Variants in QRICH2 observed in about 807,000 individuals in gnomAD.
QRICH2 encodes glutamine-rich protein 2.
A neutral mutation model predicts 168.3 loss-of-function variants in QRICH2; 119 were observed. That is an observed-to-expected ratio of 0.71 (90% CI 0.61 to 0.82). QRICH2 has a LOEUF of 0.82. Among genes scored for constraint, QRICH2 ranks in the 40% least tolerant of loss-of-function variants. QRICH2 has a pLI of 0.00. For missense variants in QRICH2, 2,241 were observed against 2,491.6 expected, an observed-to-expected ratio of 0.90 and a Z score of 2.14; for synonymous variants, 894 against 951.2, an observed-to-expected ratio of 0.94 and a Z score of 1.11.
chr17:76,285,286 C>T (rs574415074), intron 7 of QRICH2, among the ~76,000 whole-genome samples: 1 of 152,130 alleles, frequency 6.6e-6, no homozygotes, highest in Non-Finnish European at 1.5e-5. Context: ...CACGTGCCAC[C>T]TCGCCCGGCT....
intron 5 of QRICH2, among the ~76,000 whole-genome samples, chr17:76,289,103 CAAA>C (rs541768411): frequency 6.1e-5 from 5 of 81,518 alleles, no homozygotes; most frequent in Non-Finnish European, 7.9e-5. Flanking sequence ...GACTGTGTCT[CAAA>C]AAAAAAAAAA....
rs370061384 is a variant in QRICH2, at chr17:76,292,464, C to G, written c.2263G>C (p.Gly755Arg). The change falls in exon 4 of 19, where the codon GGT (glycine) becomes CGT (arginine). Residue 755 changes from glycine to arginine, a missense_variant. By Grantham distance (125) the Gly-to-Arg change is moderately radical. Around this residue, in one of 3 missense-constraint regions of QRICH2, gnomAD observed 2,047 missense variants for 2,303.8 expected, o/e 0.89. Coordinates refer to ENST00000680821, the MANE Select transcript of QRICH2 (RefSeq NM_001388453.1). The stretch of plus-strand genomic sequence containing the variant: ...TGGACCAAACCACGCTGATCTGCAC[C>G]AGGTGGGACCAAACCACGCTGATGA... ...ADHQRGLVPP[G>R]ADQRGLVQPG... is the part of the protein sequence containing the mutation. The G allele has an allele frequency of 1.9e-6, 3 of 1,545,540 alleles. No individual in the cohort carries two copies. Among genetic ancestry groups the G allele is most frequent in the South Asian group, 2.3e-5 (2 of 87,302 alleles).
Position 76,308,147 on chromosome 17 carries a change from C to T in QRICH2, c.-149G>A. 8.2e-7 allele frequency: 1 copy of T among 1,218,782 alleles called. No homozygotes were observed. Among genetic ancestry groups the T allele is most frequent in the Non-Finnish European group, 1.0e-6 (1 of 980,646 alleles). The allele number at this position is 1,218,782 out of a possible 1,614,324, so 75.5% of individuals were successfully genotyped here. On this transcript the variant is annotated 5_prime_UTR_variant, in exon 1 of 19. Coordinates refer to ENST00000680821, the MANE Select transcript of QRICH2 (RefSeq NM_001388453.1). The stretch of plus-strand genomic sequence containing the variant: ...CCGGCCGAGTCACTGGACAGAGCTC[C>T]TGCCTCCAGGGAATCTGCGCCTCCG...
intron 3 of QRICH2, among the ~76,000 whole-genome samples, chr17:76,298,181 ATTTT>A (rs1244588706): frequency 3.6e-5 from 3 of 84,242 alleles, no homozygotes; most frequent in African/African-American, 5.4e-5. Flanking sequence ...TTTCTGGCTA[ATTTT>A]TTTTTTTTTT....
rs541235405 is a variant in QRICH2, at chr17:76,274,100, C to T, written c.5643G>A (p.Pro1881=). 431 of 1,580,180 alleles carry T rather than the reference C, an allele frequency of 2.7e-4. 3 individuals are homozygous for T. The African/African-American group carries it at 4.9e-3, about 18-fold the overall frequency. ...CCGCTCACTGAGCGGTGCTGGACCG[C>T]GGCCCCCGCGTGGGCTCCTCGAGCC... ...GEGLEEPTRG[P]RSSTAQ is the part of the protein sequence containing the mutation. Residue 1881 remains proline, a synonymous_variant, in exon 19 of 19, where the codon CCG becomes CCA. Transcript: ENST00000680821.
intron 3 of QRICH2, among the ~76,000 whole-genome samples, chr17:76,296,141 T>C (rs1220286241): frequency 6.6e-6 from 1 of 151,940 alleles, no homozygotes; most frequent in African/African-American, 2.4e-5. Flanking sequence ...GAGAATTGCT[T>C]GAACCCAGAA....
intron 16 of QRICH2, 117 bp downstream of exon 16, chr17:76,277,046 A>T: frequency 1.8e-6 from 2 of 1,128,034 alleles, no homozygotes; most frequent in Non-Finnish European, 2.5e-6. Flanking sequence ...GGGTCTGATT[A>T]AGGAATTGCC....
chr17:76,292,168 TTGGACCAAACCATGCTGAACTGCA>T lies in QRICH2; in HGVS notation c.2535_2558del (p.Ala846_Gln853del), dbSNP rs1276627424. On this transcript the variant is annotated inframe_deletion, in exon 4 of 19. Transcript: ENST00000680821. Reference sequence around the variant, plus strand: ...CCAAACCACGCTGATCTGCACCAGGTTGGACCAAACCATGCTGAACTGCACCAGGTTGGACCAAACCACGCTGAA... The same window carrying T: ...CCAAACCACGCTGATCTGCACCAGGTCCAGGTTGGACCAAACCACGCTGAA... 6.7e-7 allele frequency: 1 copy of T among 1,494,356 alleles called. No individual in the cohort carries two copies. The highest frequency in any genetic ancestry group is 1.2e-5 in the South Asian group (1 of 80,056). 92.6% of individuals were successfully genotyped at this position (1,494,356 alleles called of 1,614,324 possible). A position where few individuals can be genotyped will look rare whatever the true frequency, so the allele number is the denominator to read the frequency against.
At chr17:76,297,323 A>G (rs1204488351) in intron 3 of QRICH2, among the ~76,000 whole-genome samples, 1 of 152,180 alleles carries the variant, frequency 6.6e-6, no homozygotes, top group East Asian at 1.9e-4. Flanking sequence ...CCTGGCCAAC[A>G]TGGTGAAACC....
intron 5 of QRICH2, among the ~76,000 whole-genome samples, chr17:76,289,591 A>G (rs1277643160): frequency 1.3e-5 from 2 of 152,190 alleles, no homozygotes; most frequent in Non-Finnish European, 2.9e-5. Context: ...TGTAAAAGAA[A>G]GAGCTATTTA....
At chr17:76,283,083 C>T (rs991877528) in intron 7 of QRICH2, among the ~76,000 whole-genome samples, 9 of 152,174 alleles carry the variant, frequency 5.9e-5, no homozygotes, top group African/African-American at 2.2e-4. Flanking sequence ...CCTACAGCTG[C>T]ACATCCCCAG....
At chr17:76,298,181 A>ATTTTTTTTTTTT in intron 3 of QRICH2, among the ~76,000 whole-genome samples, 1 of 84,246 alleles carries the variant, frequency 1.2e-5, no homozygotes, top group African/African-American at 5.4e-5. Context: ...TTTCTGGCTA[A>ATTTTTTTTTTTT]TTTTTTTTTT....
chr17:76,297,755 G>A (rs2070820851), intron 3 of QRICH2, among the ~76,000 whole-genome samples: 1 of 151,770 alleles, frequency 6.6e-6, no homozygotes, highest in Non-Finnish European at 1.5e-5. Flanking sequence ...GTCTCACTCT[G>A]TCACTCAGTC....
chr17:76,282,090 T>C lies in QRICH2; in HGVS notation c.4037A>G (p.Glu1346Gly), dbSNP rs1259261285. 6.2e-7 allele frequency: 1 copy of C among 1,608,436 alleles called. No individual in the cohort carries two copies. Among genetic ancestry groups the C allele is most frequent in the Non-Finnish European group, 8.5e-7 (1 of 1,175,648 alleles). ...CGTGGAGGAGGAGGTCAGCATGCTC[T>C]CAATGATCATCCTGAGCTTGTCCAA... Reference protein sequence around the residue: ...DQLDKLRMIIESMLTSSSTLL... With the variant: ...DQLDKLRMIIGSMLTSSSTLL... The change falls in exon 8 of 19, where the codon GAG becomes GGG. Residue 1346 changes from glutamate (E) to glycine (G), a missense_variant. By Grantham distance (98) the Glu-to-Gly change is moderately conservative. This residue lies in a region of QRICH2 where 2,047 missense variants were observed against 2,303.8 expected (regional missense o/e 0.89). Transcript: ENST00000680821.
At chr17:76,300,835 C>T (rs8076357) in intron 3 of QRICH2, among the ~76,000 whole-genome samples, 18,574 of 152,016 alleles carry the variant, frequency 0.12, 2,624 homozygotes, top group African/African-American at 0.35. Flanking sequence ...GCAGATCACC[C>T]GAGGTCAGGA....
At chr17:76,290,317 C>A (rs538634211) in intron 4 of QRICH2, among the ~76,000 whole-genome samples, 48 of 152,240 alleles carry the variant, frequency 3.2e-4, no homozygotes, top group Non-Finnish European at 5.7e-4. Context: ...AACTGACTCC[C>A]GAATTCCAAC....
chr17:76,304,854 C>A, intron 2 of QRICH2, 28 bp downstream of exon 2: 2 of 1,554,088 alleles, frequency 1.3e-6, no homozygotes, highest in East Asian at 4.5e-5. Flanking sequence ...CCTGGAGAGC[C>A]CTTTCCCATG....
At chr17:76,287,052 A>G in intron 7 of QRICH2, 140 bp downstream of exon 7, 1 of 281,786 alleles carries the variant, frequency 3.5e-6, no homozygotes, top group African/African-American at 6.0e-5. Context: ...TAACACACAC[A>G]CACACACACA....
chr17:76,282,563 T>C (rs1204640871), intron 7 of QRICH2, among the ~76,000 whole-genome samples: 1 of 152,116 alleles, frequency 6.6e-6, no homozygotes, highest in Non-Finnish European at 1.5e-5. Flanking sequence ...ACATGCTCCA[T>C]CCACCTAGCA....
Sources: allele counts gnomAD v4.1 joint callset (sites outside exome capture counted in the v4.1 genomes callset), GRCh38; gene constraint gnomAD v4.1.1; regional missense constraint gnomAD v4.1.1; transcripts MANE v1.5; gene names NCBI Gene and HGNC (gene_info 2026-07-23, HGNC 2026-07-21).